The following GALC variants were observed in gnomAD, a reference collection of about 807,000 sequenced individuals.
GALC encodes galactosylceramidase.
A neutral mutation model predicts 91.8 loss-of-function variants in GALC; 77 were observed. The ratio of observed to expected loss-of-function variants is 0.84; its 90% CI spans 0.70 to 1.01. The LOEUF is 1.01. Ranked by LOEUF, GALC falls within the 50% of genes least tolerant of loss-of-function variation. The pLI, the probability that GALC is intolerant of heterozygous loss-of-function variation, is 0.00. For missense variants in GALC, 882 were observed against 855.9 expected, an observed-to-expected ratio of 1.03 and a Z score of -0.38; for synonymous variants, 357 against 306.7, an observed-to-expected ratio of 1.16 and a Z score of -1.71.
Position 87,965,532 on chromosome 14 carries a change from C to A in GALC, c.1006G>T (p.Val336Leu). 6.2e-7 allele frequency: 1 copy of A among 1,613,392 alleles called. No homozygotes were observed. The highest frequency in any genetic ancestry group is 8.5e-7 in the Non-Finnish European group (1 of 1,179,508). Reference protein sequence around the residue: ...TAQEPWSGHYVVESPVWVSAH... With the variant: ...TAQEPWSGHYLVESPVWVSAH... The stretch of plus-strand genomic sequence containing the variant: ...GATACCCAGACAGGAGATTCTACCA[C>A]GTAGTGCCCACTCCATGGCTCCTGG... The change falls in exon 9 of 17, where the codon GTG becomes TTG. Residue 336 changes from valine to leucine, a missense_variant. By Grantham distance (32) the Val-to-Leu change is conservative (BLOSUM62 1). Coordinates refer to ENST00000261304, the MANE Select transcript of GALC (RefSeq NM_000153.4).
rs548211859 is a variant in GALC, at chr14:87,933,750, G to A, written c.*982C>T. ...CATACAACATGATGAACACGCTCAC[G>A]TATATTTAAATATAAACATATTTGG... On this transcript the variant is annotated 3_prime_UTR_variant, in exon 17 of 17. Transcript: ENST00000261304. 24 of 475,322 alleles carry A rather than the reference G, an allele frequency of 5.0e-5. No individual in the cohort carries two copies. In the East Asian group the frequency reaches 5.7e-4, roughly 11 times the overall value. The allele number at this position is 475,322 out of a possible 1,614,324, so 29.4% of individuals were successfully genotyped here. A position where few individuals can be genotyped will look rare whatever the true frequency, so the allele number is the denominator to read the frequency against.
rs527370252 is a variant in GALC at position 87,950,524 on chromosome 14, C to A, written c.1251+135G>T. ...AAAGCAAGTCGGAAGACAGAAGACA[C>A]CAGGGCCTCTGTCAATTCATATGCA... On this transcript the variant is annotated intron_variant, in intron 11 of 16. Transcript: ENST00000261304. The A allele has an allele frequency of 2.4e-5, 15 of 630,942 alleles. No homozygotes were observed. In the South Asian group the frequency reaches 2.6e-4, roughly 11 times the overall value. The allele number at this position is 630,942 out of a possible 1,614,324, so 39.1% of individuals were successfully genotyped here. A position where few individuals can be genotyped will look rare whatever the true frequency, so the allele number is the denominator to read the frequency against.
intron 10 of GALC, among the ~76,000 whole-genome samples, chr14:87,962,551 T>C (rs1178655144): frequency 1.3e-5 from 2 of 150,894 alleles, no homozygotes; most frequent in East Asian, 2.0e-4. Context: ...GGCCAAACTG[T>C]AGGCTGACAT....
intron 10 of GALC, chr14:87,954,274 T>C (rs1047634852): frequency 6.5e-7 from 1 of 1,542,802 alleles, no homozygotes; most frequent in Non-Finnish European, 9.0e-7. Context: ...GATGTATTAG[T>C]CCACACAATA....
At chr14:87,955,959 T>C (rs1885521127) in intron 10 of GALC, among the ~76,000 whole-genome samples, 1 of 150,448 alleles carries the variant, frequency 6.6e-6, no homozygotes, top group East Asian at 1.9e-4. Context: ...AATAAATTTA[T>C]GATGAAATGA....
intron 10 of GALC, among the ~76,000 whole-genome samples, chr14:87,959,176 T>C (rs894110287): frequency 1.3e-5 from 2 of 152,094 alleles, no homozygotes; most frequent in African/African-American, 4.8e-5. Context: ...TAATAGACAT[T>C]TCTCAGAAGA....
rs112450509 is a variant in GALC at position 87,949,274 on chromosome 14, T to C, written c.1338+571A>G. Among the ~76,000 whole-genome samples, 374 of 152,094 alleles carry C rather than the reference T, an allele frequency of 2.5e-3. 2 individuals are homozygous for C. Among genetic ancestry groups the C allele is most frequent in the African/African-American group, 8.3e-3 (344 of 41,512 alleles). ...AGTATGTGAAGAGAGGCCAGTTTAGTAGGACACATCTCTAGGAAGAAGACC... is the reference window on the plus strand; with the variant it reads ...AGTATGTGAAGAGAGGCCAGTTTAGCAGGACACATCTCTAGGAAGAAGACC... On this transcript the variant is annotated intron_variant, in intron 12 of 16. Transcript: ENST00000261304.
At chr14:87,992,872 C>T in intron 1 of GALC, 98 bp downstream of exon 1, 5 of 1,405,268 alleles carry the variant, frequency 3.6e-6, no homozygotes, top group Non-Finnish European at 4.6e-6. Context: ...AGAGTGGAGC[C>T]GGTGGAAACG....
chr14:87,934,431 G>C lies in GALC; in HGVS notation c.*301C>G. 1 of 1,303,306 alleles carries C rather than the reference G, an allele frequency of 7.7e-7. No homozygotes were observed. The highest frequency in any genetic ancestry group is 9.8e-7 in the Non-Finnish European group (1 of 1,019,784). 80.7% of individuals were successfully genotyped at this position (1,303,306 alleles called of 1,614,324 possible). On this transcript the variant is annotated 3_prime_UTR_variant, in exon 17 of 17. Transcript: ENST00000261304. ...GATGAAGAGAGCTACCTCAGTGTTAGCAGCAAGGCTTCGAGGTCTGTACTA... is the reference window on the plus strand; with the variant it reads ...GATGAAGAGAGCTACCTCAGTGTTACCAGCAAGGCTTCGAGGTCTGTACTA...
At chr14:87,944,283 T>C (rs1884976827) in intron 14 of GALC, among the ~76,000 whole-genome samples, 1 of 151,850 alleles carries the variant, frequency 6.6e-6, no homozygotes, top group African/African-American at 2.4e-5. Context: ...AGAAATAAGA[T>C]TGAGTTTGAG....
chr14:87,934,053 C>CA lies in GALC; in HGVS notation c.*678dup, dbSNP rs1884466745. On this transcript the variant is annotated 3_prime_UTR_variant, in exon 17 of 17. Coordinates refer to ENST00000261304, the MANE Select transcript of GALC (RefSeq NM_000153.4). ...TGGTTACAAGACCAAAACTTGGAAT[C>CA]AAAAAAATTAAATAATGCAAATAAC... 2 of 1,531,602 alleles carry CA rather than the reference C, an allele frequency of 1.3e-6. No individual in the cohort carries two copies. Among genetic ancestry groups the CA allele is most frequent in the Middle Eastern group, 1.7e-4 (1 of 5,958 alleles). The allele number at this position is 1,531,602 out of a possible 1,614,324, so 94.9% of individuals were successfully genotyped here.
At chr14:87,984,251 G>T in intron 5 of GALC, 143 bp downstream of exon 5, 1 of 773,520 alleles carries the variant, frequency 1.3e-6, no homozygotes, top group Non-Finnish European at 2.1e-6. Flanking sequence ...CAGGTACTTA[G>T]TTTGTGTTAT....
chr14:87,948,160 T>C lies in GALC; in HGVS notation c.1339-282A>G, dbSNP rs150945316. Among the ~76,000 whole-genome samples the C allele has an allele frequency of 6.0e-3, 919 of 152,148 alleles. 7 individuals carry two copies. The highest frequency in any genetic ancestry group is 0.021 in the African/African-American group (877 of 41,536). On this transcript the variant is annotated intron_variant, in intron 12 of 16. Coordinates refer to ENST00000261304, the MANE Select transcript of GALC (RefSeq NM_000153.4). ...AAATCTATTTCTATTAGCCTATTCTTTTCCACTACACAGTAAGCTCCTTAA... is the reference window on the plus strand; with the variant it reads ...AAATCTATTTCTATTAGCCTATTCTCTTCCACTACACAGTAAGCTCCTTAA...
chr14:87,971,912 G>A (rs1398616081), intron 7 of GALC, among the ~76,000 whole-genome samples: 9 of 152,122 alleles, frequency 5.9e-5, no homozygotes, highest in African/African-American at 1.4e-4. Flanking sequence ...AGGCAGGAAC[G>A]CTTTGTTTGA....
At chr14:87,943,458 T>C (rs1884939007) in intron 14 of GALC, among the ~76,000 whole-genome samples, 2 of 152,026 alleles carry the variant, frequency 1.3e-5, no homozygotes, top group South Asian at 2.1e-4. Context: ...TTTACTAAAA[T>C]AGCACTACAG....
intron 8 of GALC, among the ~76,000 whole-genome samples, chr14:87,965,865 T>C (rs1490076311): frequency 1.3e-5 from 2 of 152,206 alleles, no homozygotes; most frequent in Non-Finnish European, 2.9e-5. Context: ...AAAATACAAA[T>C]GTATTATGTG....
intron 10 of GALC, chr14:87,954,507 T>G: frequency 6.4e-7 from 1 of 1,561,850 alleles, no homozygotes; most frequent in Non-Finnish European, 8.7e-7. Context: ...CTAGAAAACC[T>G]AAAATCGCAT....
chr14:87,966,444 A>G (rs774485379), intron 8 of GALC, among the ~76,000 whole-genome samples: 1 of 116,904 alleles, frequency 8.6e-6, no homozygotes, highest in Non-Finnish European at 2.1e-5. Context: ...CTCACAGATT[A>G]AAAAAAACAA....
chr14:87,982,354 C>G (rs1245352608), intron 5 of GALC, 111 bp from the exon 6 acceptor site: 3 of 700,960 alleles, frequency 4.3e-6, no homozygotes, highest in African/African-American at 3.6e-5. Flanking sequence ...TCTGATACGC[C>G]ATTTTTTAAC....
Sources: allele counts gnomAD v4.1 joint callset (sites outside exome capture counted in the v4.1 genomes callset), GRCh38; gene constraint gnomAD v4.1.1; transcripts MANE v1.5; gene names NCBI Gene and HGNC (gene_info 2026-07-23, HGNC 2026-07-21).